The following NTM variants were observed in gnomAD, a reference collection of about 807,000 sequenced individuals.
The protein encoded by NTM is neurotrimin, also known as IgLON family member 2.
Under a neutral mutation model 42.1 loss-of-function variants are expected in NTM, and 13 were observed. The ratio of observed to expected loss-of-function variants is 0.31; its 90% CI spans 0.20 to 0.49. NTM has a LOEUF of 0.49. Ranked by LOEUF, NTM falls within the 20% of genes least tolerant of loss-of-function variation. NTM has a pLI of 0.99. For missense variants in NTM, 373 were observed against 452.8 expected, an observed-to-expected ratio of 0.82 and a Z score of 1.60; for synonymous variants, 187 against 179.2, an observed-to-expected ratio of 1.04 and a Z score of -0.35.
chr11:131,442,539 C>G (rs1375962763), intron 1 of NTM, among the ~76,000 whole-genome samples: 1 of 152,092 alleles, frequency 6.6e-6, no homozygotes, highest in East Asian at 1.9e-4. Context: ...ACACTGTACC[C>G]AATAGGTAAG....
At chr11:131,995,157 G>T (rs1273950223) in intron 2 of NTM, among the ~76,000 whole-genome samples, 1 of 152,210 alleles carries the variant, frequency 6.6e-6, no homozygotes, top group Non-Finnish European at 1.5e-5. Context: ...AGTCATGGAT[G>T]ATCCATGGTA....
intron 3 of NTM, among the ~76,000 whole-genome samples, chr11:132,172,646 A>C (rs1433275374): frequency 6.6e-6 from 1 of 152,208 alleles, no homozygotes; most frequent in East Asian, 1.9e-4. Flanking sequence ...ATGTAGCCTC[A>C]CAAGATATAT....
intron 1 of NTM, among the ~76,000 whole-genome samples, chr11:131,402,594 C>T (rs1190792952): frequency 6.6e-6 from 1 of 152,168 alleles, no homozygotes; most frequent in East Asian, 1.9e-4. Flanking sequence ...GTCCAGCCAT[C>T]AGCTCCCTCG....
At chr11:132,057,742 G>A (rs917989155) in intron 2 of NTM, among the ~76,000 whole-genome samples, 1 of 152,220 alleles carries the variant, frequency 6.6e-6, no homozygotes, top group African/African-American at 2.4e-5. Flanking sequence ...GGATTTTGAA[G>A]TGGGCCTAGA....
chr11:131,696,247 A>G (rs1441132958), intron 1 of NTM, among the ~76,000 whole-genome samples: 1 of 152,152 alleles, frequency 6.6e-6, no homozygotes, highest in Non-Finnish European at 1.5e-5. Flanking sequence ...ATGACACAGC[A>G]CAGGACGCAC....
chr11:131,480,457 C>G (rs11222668), intron 1 of NTM, among the ~76,000 whole-genome samples: 10,195 of 152,178 alleles, frequency 0.067, 830 homozygotes, highest in East Asian at 0.18. Context: ...GACTTCCTCC[C>G]TCTGAGCAAA....
chr11:132,167,697 T>C (rs2075490927), intron 3 of NTM, among the ~76,000 whole-genome samples: 1 of 152,238 alleles, frequency 6.6e-6, no homozygotes, highest in South Asian at 2.1e-4. Flanking sequence ...TAATGTATTG[T>C]ATTATACATA....
At chr11:131,588,314 C>T (rs1360311657) in intron 1 of NTM, among the ~76,000 whole-genome samples, 1 of 152,236 alleles carries the variant, frequency 6.6e-6, no homozygotes, top group Non-Finnish European at 1.5e-5. Context: ...ACAGTGAGAG[C>T]TTGCCCCAGA....
At chr11:132,253,757 C>A (rs2092219629) in intron 4 of NTM, among the ~76,000 whole-genome samples, 1 of 152,160 alleles carries the variant, frequency 6.6e-6, no homozygotes. Flanking sequence ...CTCTCAGAGA[C>A]TGTTTTTCAG....
chr11:131,967,592 A>G (rs1423191304), intron 2 of NTM, among the ~76,000 whole-genome samples: 17 of 152,210 alleles, frequency 1.1e-4, no homozygotes, highest in Admixed American at 9.8e-4. Context: ...GATAAAGGGA[A>G]GAAGGGAAAA....
chr11:132,037,864 C>T (rs759654701), intron 2 of NTM, among the ~76,000 whole-genome samples: 1 of 152,174 alleles, frequency 6.6e-6, no homozygotes. Flanking sequence ...TATAGACAGC[C>T]ATATGCTACT....
At chr11:132,017,873 T>G (rs942578939) in intron 2 of NTM, among the ~76,000 whole-genome samples, 7 of 152,030 alleles carry the variant, frequency 4.6e-5, no homozygotes, top group Non-Finnish European at 1.0e-4. Flanking sequence ...TGTTTAATTT[T>G]TCTCGATGCC....
chr11:131,445,608 G>C (rs182246310), intron 1 of NTM, among the ~76,000 whole-genome samples: 32 of 152,270 alleles, frequency 2.1e-4, no homozygotes, highest in African/African-American at 7.7e-4. Flanking sequence ...GAGCAGGAGA[G>C]AGAGACATGG....
intron 1 of NTM, among the ~76,000 whole-genome samples, chr11:131,889,297 T>C (rs952174804): frequency 1.3e-5 from 2 of 152,170 alleles, no homozygotes; most frequent in Non-Finnish European, 2.9e-5. Context: ...AGCTCCCAGA[T>C]TGAAGTAAGT....
At chr11:131,747,495 C>T (rs768083805) in intron 1 of NTM, among the ~76,000 whole-genome samples, 2 of 152,210 alleles carry the variant, frequency 1.3e-5, no homozygotes, top group Admixed American at 6.5e-5. Flanking sequence ...AATGCAATAG[C>T]TTTGTAGCTG....
intron 1 of NTM, among the ~76,000 whole-genome samples, chr11:131,607,123 T>G (rs1358974451): frequency 6.6e-6 from 1 of 152,224 alleles, no homozygotes; most frequent in Non-Finnish European, 1.5e-5. Context: ...AAAATGGCTT[T>G]GTGTATCTCA....
intron 2 of NTM, among the ~76,000 whole-genome samples, chr11:131,937,573 A>T (rs2059360320): frequency 6.6e-6 from 1 of 152,212 alleles, no homozygotes; most frequent in Non-Finnish European, 1.5e-5. Flanking sequence ...AAAGTCTTTC[A>T]TATACCACAT....
chr11:131,716,560 A>T (rs1411324976), intron 1 of NTM, among the ~76,000 whole-genome samples: 1 of 151,924 alleles, frequency 6.6e-6, no homozygotes, highest in Non-Finnish European at 1.5e-5. Flanking sequence ...TCTAATTCTG[A>T]TAGTGTTATC....
At chr11:131,647,769 T>C (rs974975647) in intron 1 of NTM, among the ~76,000 whole-genome samples, 4 of 152,314 alleles carry the variant, frequency 2.6e-5, no homozygotes, top group African/African-American at 9.6e-5. Context: ...CCCAGGATTT[T>C]TCAGGGACCC....
Sources: gnomAD v4.1 joint callset for allele counts (sites outside exome capture counted in the v4.1 genomes callset) on GRCh38, gnomAD v4.1.1 for gene constraint, MANE v1.5 for transcripts, NCBI Gene and HGNC (gene_info 2026-07-23, HGNC 2026-07-21) for gene names.